The following SPMIP11 variants were observed in gnomAD, a reference collection of about 807,000 sequenced individuals.
SPMIP11 encodes the protein sperm microtubule inner protein 11, also known as long intergenic non-protein coding RNA 935.
chr12:48,756,220 C>CTA, the SPMIP11 span, among the ~76,000 whole-genome samples: 1 of 152,082 alleles, frequency 6.6e-6, no homozygotes, highest in South Asian at 2.1e-4. Context: ...GACATCCTAC[C>CTA]ACCCCTACCT....
chr12:48,743,366 C>T, the SPMIP11 span, among the ~76,000 whole-genome samples: 1 of 152,064 alleles, frequency 6.6e-6, no homozygotes, highest in African/African-American at 2.4e-5. Context: ...GGTGGCAGAG[C>T]AAGACCTTGT....
At chr12:48,761,790 T>C in the SPMIP11 span, among the ~76,000 whole-genome samples, 1 of 148,554 alleles carries the variant, frequency 6.7e-6, no homozygotes, top group South Asian at 2.1e-4. Flanking sequence ...ATGGTGCAAT[T>C]ATAGCTCACT....
the SPMIP11 span, among the ~76,000 whole-genome samples, chr12:48,738,739 AC>A: frequency 6.6e-6 from 1 of 152,140 alleles, no homozygotes; most frequent in South Asian, 2.1e-4. Context: ...AAGAAGGGAG[AC>A]AAAATGCATT....
At chr12:48,768,457 C>T in the SPMIP11 span, 1 of 1,307,252 alleles carries the variant, frequency 7.6e-7, no homozygotes, top group South Asian at 1.2e-5. Context: ...CAAGCACAGC[C>T]TGCTGGGATG....
chr12:48,746,658 C>T, the SPMIP11 span, among the ~76,000 whole-genome samples: 1 of 151,944 alleles, frequency 6.6e-6, no homozygotes, highest in South Asian at 2.1e-4. Flanking sequence ...AGCCACCATG[C>T]CCAGCCTATC....
At chr12:48,761,239 G>C in the SPMIP11 span, among the ~76,000 whole-genome samples, 1 of 152,040 alleles carries the variant, frequency 6.6e-6, no homozygotes, top group Non-Finnish European at 1.5e-5. Flanking sequence ...TTGAGGTCAG[G>C]AGTTCGAGAC....
the SPMIP11 span, among the ~76,000 whole-genome samples, chr12:48,737,321 G>A: frequency 2.0e-5 from 3 of 151,744 alleles, no homozygotes; most frequent in Non-Finnish European, 2.9e-5. Context: ...TTTATTGTAA[G>A]TCTTTTTTCA....
At chr12:48,734,691 C>CA in the SPMIP11 span, among the ~76,000 whole-genome samples, 88 of 152,110 alleles carry the variant, frequency 5.8e-4, no homozygotes, top group Non-Finnish European at 1.2e-3. Flanking sequence ...TTTATCTAAT[C>CA]ACATAAACTC....
the SPMIP11 span, among the ~76,000 whole-genome samples, chr12:48,742,569 G>A: frequency 6.6e-6 from 1 of 152,110 alleles, no homozygotes; most frequent in Non-Finnish European, 1.5e-5. Flanking sequence ...CCCGTGCCCG[G>A]CCTCAGCTTC....
At chr12:48,760,718 G>T in the SPMIP11 span, among the ~76,000 whole-genome samples, 1 of 150,802 alleles carries the variant, frequency 6.6e-6, no homozygotes, top group African/African-American at 2.4e-5. Context: ...GTAGAGACAG[G>T]GTTTCACCAT....
the SPMIP11 span, among the ~76,000 whole-genome samples, chr12:48,769,613 G>C: frequency 4.7e-5 from 7 of 148,046 alleles, no homozygotes; most frequent in South Asian, 1.5e-3. Flanking sequence ...TTGAGATGGA[G>C]TCTTGCTCTG....
chr12:48,759,115 C>T, the SPMIP11 span: 1 of 659,622 alleles, frequency 1.5e-6, no homozygotes, highest in Non-Finnish European at 2.8e-6. Flanking sequence ...TAGGAGAGAT[C>T]CCTGCTATGC....
the SPMIP11 span, among the ~76,000 whole-genome samples, chr12:48,769,363 C>T: frequency 7.0e-3 from 997 of 142,120 alleles, 15 homozygotes; most frequent in African/African-American, 0.025. Flanking sequence ...CTACAGTGAG[C>T]TGTGATTGTG....
the SPMIP11 span, chr12:48,727,618 A>G: frequency 1.4e-6 from 1 of 691,094 alleles, no homozygotes; most frequent in African/African-American, 1.8e-5. Context: ...GATGCTTCAT[A>G]GCCACTTCCT....
chr12:48,758,539 G>A, the SPMIP11 span, among the ~76,000 whole-genome samples: 7 of 152,218 alleles, frequency 4.6e-5, no homozygotes, highest in Non-Finnish European at 1.0e-4. Flanking sequence ...TGCTGAAAGA[G>A]AGGTTGGATA....
At chr12:48,740,703 G>A in the SPMIP11 span, among the ~76,000 whole-genome samples, 6 of 150,288 alleles carry the variant, frequency 4.0e-5, no homozygotes, top group Admixed American at 2.7e-4. Context: ...CCTGGCCAAC[G>A]TGGTGAAACC....
chr12:48,740,224 TTCTC>T, the SPMIP11 span, among the ~76,000 whole-genome samples: 2 of 152,144 alleles, frequency 1.3e-5, no homozygotes, highest in Admixed American at 6.6e-5. Flanking sequence ...TAAAAAGAAT[TTCTC>T]TACACCCTTT....
the SPMIP11 span, chr12:48,759,297 C>T: frequency 1.4e-6 from 1 of 702,974 alleles, no homozygotes; most frequent in South Asian, 1.5e-5. Flanking sequence ...ACACAAGATA[C>T]CACGAAGCTG....
chr12:48,755,875 CTTTTT>C, the SPMIP11 span, among the ~76,000 whole-genome samples: 1 of 101,606 alleles, frequency 9.8e-6, no homozygotes, highest in Non-Finnish European at 2.0e-5. Context: ...CAGTTTCTTT[CTTTTT>C]TTTTTTTTTT....
Sources: allele counts gnomAD v4.1 joint callset (sites outside exome capture counted in the v4.1 genomes callset), GRCh38; gene constraint gnomAD v4.1.1; transcripts MANE v1.5; gene names NCBI Gene and HGNC (gene_info 2026-07-23, HGNC 2026-07-21).